ZFPM2: variants seen among roughly 807,000 people sequenced by gnomAD.
ZFPM2 encodes the protein zinc finger protein, FOG family member 2.
Under a neutral mutation model 98.6 loss-of-function variants are expected in ZFPM2, and 20 were observed. The ratio of observed to expected loss-of-function variants is 0.20; its 90% CI spans 0.14 to 0.29. The LOEUF is 0.29. Ranked by LOEUF, ZFPM2 falls within the 10% of genes least tolerant of loss-of-function variation. The pLI is 1.00. For missense variants in ZFPM2, 1,310 were observed against 1,388.6 expected (o/e 0.94, Z 0.90); for synonymous variants, 518 against 502.7 (o/e 1.03, Z -0.41).
chr8:105,444,753 T>C (rs1341912866), intron 3 of ZFPM2, among the ~76,000 whole-genome samples: 1 of 152,204 alleles, frequency 6.6e-6, no homozygotes, highest in African/African-American at 2.4e-5. Context: ...AGTTTAGTCA[T>C]GTTTTAAATC....
At chr8:105,489,513 G>C (rs1307068053) in intron 3 of ZFPM2, among the ~76,000 whole-genome samples, 5 of 139,606 alleles carry the variant, frequency 3.6e-5, no homozygotes, top group Admixed American at 1.5e-4. Flanking sequence ...GCCCAGGCTA[G>C]AGTGCAGTGG....
intron 2 of ZFPM2, among the ~76,000 whole-genome samples, chr8:105,422,643 TA>T (rs1811819043): frequency 6.6e-6 from 1 of 152,132 alleles, no homozygotes; most frequent in Non-Finnish European, 1.5e-5. Flanking sequence ...GTCCCAAGCA[TA>T]AAAATTTTGT....
At chr8:105,319,799 GC>G (rs1811985136) in intron 1 of ZFPM2, 1 of 152,300 alleles carries the variant, frequency 6.6e-6, no homozygotes, top group Non-Finnish European at 1.5e-5. Context: ...ATGGCCCTGA[GC>G]CCCCGGGTGC....
chr8:105,412,450 A>T (rs1214488176), intron 1 of ZFPM2, among the ~76,000 whole-genome samples: 1 of 151,850 alleles, frequency 6.6e-6, no homozygotes, highest in Non-Finnish European at 1.5e-5. Flanking sequence ...AATTATATAT[A>T]AGAAATAACA....
At chr8:105,420,351 G>A (rs1811768145) in intron 2 of ZFPM2, among the ~76,000 whole-genome samples, 1 of 151,996 alleles carries the variant, frequency 6.6e-6, no homozygotes, top group African/African-American at 2.4e-5. Flanking sequence ...ATCATTAAAA[G>A]TTCCAGTATC....
intron 4 of ZFPM2, among the ~76,000 whole-genome samples, chr8:105,595,768 T>A (rs1815956322): frequency 6.6e-6 from 1 of 152,042 alleles, no homozygotes; most frequent in African/African-American, 2.4e-5. Context: ...TTGCCAACAT[T>A]TTTTATCTCC....
intron 1 of ZFPM2, among the ~76,000 whole-genome samples, chr8:105,334,616 A>T (rs1019905830): frequency 6.6e-6 from 1 of 151,636 alleles, no homozygotes; most frequent in South Asian, 2.1e-4. Flanking sequence ...TTAAAATTCA[A>T]TGTATTCATT....
intron 2 of ZFPM2, among the ~76,000 whole-genome samples, chr8:105,429,844 T>A (rs1412151239): frequency 1.3e-5 from 2 of 152,180 alleles, no homozygotes; most frequent in African/African-American, 4.8e-5. Context: ...ATAAAAGGAA[T>A]GCATATTGAA....
intron 5 of ZFPM2, among the ~76,000 whole-genome samples, chr8:105,640,181 T>TA (rs1364034468): frequency 6.6e-6 from 1 of 152,034 alleles, no homozygotes; most frequent in Non-Finnish European, 1.5e-5. Context: ...GATTCAATCT[T>TA]AAGCTTGTTG....
intron 3 of ZFPM2, among the ~76,000 whole-genome samples, chr8:105,534,276 T>TCCC (rs1554614982): frequency 1.3e-4 from 5 of 39,494 alleles, no homozygotes; most frequent in African/African-American, 1.5e-4. Context: ...CCTTCCTTCT[T>TCCC]TCCCTCCCTC....
At chr8:105,345,425 C>CTTTTT (rs10560485) in intron 1 of ZFPM2, among the ~76,000 whole-genome samples, 4 of 98,358 alleles carry the variant, frequency 4.1e-5, no homozygotes, top group Non-Finnish European at 7.9e-5. Flanking sequence ...TCGTGATGTT[C>CTTTTT]TTTTTTTTTT....
Position 105,801,978 on chromosome 8 carries a change from A to T in ZFPM2, c.1896A>T (p.Leu632Phe). The stretch of plus-strand genomic sequence containing the variant: ...CTTGCATCAATTCTTCCACTGTCTT[A>T]GATTTAATTGGGCCAAATGGGAAGG... Reference protein sequence around the residue: ...QTSCINSSTVLDLIGPNGKGH... With the variant: ...QTSCINSSTVFDLIGPNGKGH... The change falls in exon 8 of 8, where the codon TTA (leucine) becomes TTT (phenylalanine). Residue 632 changes from leucine to phenylalanine, a missense_variant. Physicochemically the swap from Leu to Phe is conservative, Grantham distance 22. Coordinates refer to ENST00000407775, the MANE Select transcript of ZFPM2 (RefSeq NM_012082.4). 1 of 1,613,872 alleles carries T rather than the reference A, an allele frequency of 6.2e-7. No individual in the cohort carries two copies. Among genetic ancestry groups the T allele is most frequent in the East Asian group, 2.2e-5 (1 of 44,858 alleles).
intron 2 of ZFPM2, among the ~76,000 whole-genome samples, chr8:105,439,997 G>T (rs372287732): frequency 2.0e-5 from 3 of 152,188 alleles, no homozygotes; most frequent in African/African-American, 7.2e-5. Context: ...GGTATCCCTA[G>T]TGGCACTCAA....
chr8:105,761,649 C>T (rs749197679), intron 5 of ZFPM2, among the ~76,000 whole-genome samples: 2 of 151,790 alleles, frequency 1.3e-5, no homozygotes, highest in East Asian at 1.9e-4. Flanking sequence ...GATGATTTGA[C>T]GCACGGGCTT....
At chr8:105,543,604 C>A (rs1814627497) in intron 3 of ZFPM2, among the ~76,000 whole-genome samples, 3 of 152,062 alleles carry the variant, frequency 2.0e-5, no homozygotes, top group South Asian at 2.1e-4. Flanking sequence ...TAAAAAGGAT[C>A]TTTAGTCTTC....
chr8:105,560,275 G>A (rs1458629575), intron 3 of ZFPM2, among the ~76,000 whole-genome samples: 2 of 151,416 alleles, frequency 1.3e-5, no homozygotes, highest in East Asian at 1.9e-4. Context: ...TAAAATTGAC[G>A]CAAAAGTAAT....
At chr8:105,698,911 T>C (rs900757821) in intron 5 of ZFPM2, among the ~76,000 whole-genome samples, 1 of 152,168 alleles carries the variant, frequency 6.6e-6, no homozygotes, top group East Asian at 1.9e-4. Context: ...AAAATCAGTG[T>C]CATTTTCTTC....
chr8:105,443,140 C>G (rs1420394330), intron 2 of ZFPM2, among the ~76,000 whole-genome samples: 2 of 151,870 alleles, frequency 1.3e-5, no homozygotes, highest in Non-Finnish European at 2.9e-5. Context: ...GAAACCCCAT[C>G]TCTACTAAAA....
chr8:105,742,796 G>A (rs1013385006), intron 5 of ZFPM2, among the ~76,000 whole-genome samples: 4 of 152,078 alleles, frequency 2.6e-5, no homozygotes, highest in African/African-American at 7.2e-5. Flanking sequence ...TGGAGGCTGA[G>A]GCAGGAGAAT....
Sources: gnomAD v4.1 joint callset for allele counts (sites outside exome capture counted in the v4.1 genomes callset) on GRCh38, gnomAD v4.1.1 for gene constraint, MANE v1.5 for transcripts, NCBI Gene and HGNC (gene_info 2026-07-23, HGNC 2026-07-21) for gene names.